The following EPB41L4A variants were observed in gnomAD, a reference collection of about 807,000 sequenced individuals.
The protein encoded by EPB41L4A is band 4.1-like protein 4A.
In EPB41L4A, 100 loss-of-function variants were observed where a neutral mutation model predicts 108.6. The observed-to-expected ratio is 0.92, with a 90% confidence interval of 0.78 to 1.09. The LOEUF is 1.09. Among genes scored for constraint, EPB41L4A ranks in the 50% least tolerant of loss-of-function variants. EPB41L4A has a pLI of 0.00. For synonymous variants in EPB41L4A, 319 were observed against 289.0 expected (o/e 1.10, Z -1.05); for missense variants, 1,030 against 842.7 (o/e 1.22, Z -2.75).
chr5:112,171,761 T>C (rs1760592900), intron 18 of EPB41L4A, among the ~76,000 whole-genome samples: 1 of 152,244 alleles, frequency 6.6e-6, no homozygotes, highest in Non-Finnish European at 1.5e-5. Flanking sequence ...ATCACTGCAA[T>C]TGTTGACACA....
At chr5:112,185,290 A>G (rs1476466616) in intron 17 of EPB41L4A, among the ~76,000 whole-genome samples, 1 of 152,204 alleles carries the variant, frequency 6.6e-6, no homozygotes, top group Non-Finnish European at 1.5e-5. Context: ...AAGAACAGGC[A>G]GGCTTGGAGG....
chr5:112,152,685 T>C (rs1759512435), intron 12 of EPB41L4A, among the ~76,000 whole-genome samples: 1 of 152,010 alleles, frequency 6.6e-6, no homozygotes. Flanking sequence ...ATAGCAGGAA[T>C]GGACTAAGAT....
At chr5:112,264,568 T>C in intron 6 of EPB41L4A, 1 of 166,328 alleles carries the variant, frequency 6.0e-6, no homozygotes, top group East Asian at 1.6e-4. Context: ...ATTTACAGAA[T>C]GATTCCACTA....
In EPB41L4A at chr5:112,201,879, G is replaced by C. The variant is rs183450664; in HGVS notation, c.1376+2496C>G. 4.9e-3 allele frequency among the ~76,000 whole-genome samples: 742 copies of C among 152,288 alleles called. 3 individuals carry two copies. Among genetic ancestry groups the C allele is most frequent in the Non-Finnish European group, 8.7e-3 (593 of 68,020 alleles). ...GGATTCCAATCCCATGTGTGCCACA[G>C]AGGACAAGCTACCATCATCTCCCTG... On this transcript the variant is annotated intron_variant, in intron 15 of 22. Transcript: ENST00000261486.
chr5:112,415,798 A>G (rs556778485), intron 1 of EPB41L4A, among the ~76,000 whole-genome samples: 4 of 152,266 alleles, frequency 2.6e-5, no homozygotes, highest in African/African-American at 9.6e-5. Flanking sequence ...CACACAACCA[A>G]TAGCTCTCAG....
At chr5:112,345,308 AAAT>A (rs1399763876) in intron 1 of EPB41L4A, among the ~76,000 whole-genome samples, 1 of 152,078 alleles carries the variant, frequency 6.6e-6, no homozygotes, top group Non-Finnish European at 1.5e-5. Flanking sequence ...CCTAAATATG[AAAT>A]AATAGGGAAC....
chr5:112,308,890 G>C (rs1754860389), intron 1 of EPB41L4A, among the ~76,000 whole-genome samples: 1 of 151,832 alleles, frequency 6.6e-6, no homozygotes, highest in South Asian at 2.1e-4. Context: ...ATCTGATTGA[G>C]CAAAAAAAGA....
intron 2 of EPB41L4A, among the ~76,000 whole-genome samples, chr5:112,301,465 C>G (rs1754357312): frequency 6.6e-6 from 1 of 152,136 alleles, no homozygotes; most frequent in South Asian, 2.1e-4. Context: ...CAGGCTGGTA[C>G]TAGGGGTTGT....
chr5:112,264,783 T>C, intron 6 of EPB41L4A, 113 bp downstream of exon 6: 1 of 1,043,258 alleles, frequency 9.6e-7, no homozygotes, highest in African/African-American at 1.6e-5. Flanking sequence ...AGAGGAGTAT[T>C]AGAATATTAA....
At chr5:112,235,118 T>G (rs1749236993) in intron 11 of EPB41L4A, among the ~76,000 whole-genome samples, 1 of 152,218 alleles carries the variant, frequency 6.6e-6, no homozygotes, top group Admixed American at 6.5e-5. Context: ...TGATTCCACA[T>G]GAGCTCCATG....
chr5:112,377,463 T>G (rs1338195408), intron 1 of EPB41L4A, among the ~76,000 whole-genome samples: 1 of 152,188 alleles, frequency 6.6e-6, no homozygotes. Context: ...CACTGAACCC[T>G]GACTGCAGCA....
intron 1 of EPB41L4A, among the ~76,000 whole-genome samples, chr5:112,357,216 T>C (rs1390724473): frequency 1.3e-5 from 2 of 152,222 alleles, no homozygotes; most frequent in African/African-American, 2.4e-5. Context: ...ATAATTGTCA[T>C]TTTGAGAAAT....
chr5:112,231,191 T>C (rs537300019), intron 12 of EPB41L4A, among the ~76,000 whole-genome samples: 3 of 152,302 alleles, frequency 2.0e-5, no homozygotes, highest in African/African-American at 4.8e-5. Flanking sequence ...CATCTCTATA[T>C]CTATACAGCA....
chr5:112,260,528 TCTCTCTAGAAAG>T (rs1390107667), intron 7 of EPB41L4A, among the ~76,000 whole-genome samples: 1 of 152,132 alleles, frequency 6.6e-6, no homozygotes, highest in Non-Finnish European at 1.5e-5. Flanking sequence ...CCACCCCAAC[TCTCTCTAGAAAG>T]TTTAGGCAGT....
At chr5:112,323,471 T>C (rs972180864) in intron 1 of EPB41L4A, among the ~76,000 whole-genome samples, 1 of 152,238 alleles carries the variant, frequency 6.6e-6, no homozygotes, top group Non-Finnish European at 1.5e-5. Context: ...CCCAAGAAGA[T>C]GAAGTTACAA....
In EPB41L4A at chr5:112,330,793, T is replaced by A. The variant is rs1477546612; in HGVS notation, c.100-23303A>T. 2.0e-5 allele frequency among the ~76,000 whole-genome samples: 3 copies of A among 152,050 alleles called. No individual in the cohort carries two copies. In the East Asian group the frequency reaches 5.8e-4, roughly 29 times the overall value. ...AGGATTATACTTCTGGGTCTGTGTA[T>A]CAATATATGTTAATATGCATATTTT... On this transcript the variant is annotated intron_variant, in intron 1 of 22. Coordinates refer to ENST00000261486, the MANE Select transcript of EPB41L4A (RefSeq NM_022140.5).
chr5:112,392,431 G>T (rs1015585965), intron 1 of EPB41L4A, among the ~76,000 whole-genome samples: 3 of 149,658 alleles, frequency 2.0e-5, no homozygotes, highest in Admixed American at 6.7e-5. Context: ...AAAAGCAGGG[G>T]TTGCAATCCT....
chr5:112,152,916 C>A (rs1759521927), intron 12 of EPB41L4A, among the ~76,000 whole-genome samples: 1 of 152,092 alleles, frequency 6.6e-6, no homozygotes, highest in Admixed American at 6.5e-5. Context: ...AATATAATAA[C>A]ATAATTTCAA....
intron 13 of EPB41L4A, among the ~76,000 whole-genome samples, chr5:112,208,244 C>CAAAAAAAAAA (rs68152475): frequency 4.7e-5 from 4 of 85,104 alleles, no homozygotes; most frequent in Admixed American, 1.6e-4. Flanking sequence ...GACTCCATCT[C>CAAAAAAAAAA]AAAAAAAAAA....
Sources: allele counts gnomAD v4.1 joint callset (sites outside exome capture counted in the v4.1 genomes callset), GRCh38; gene constraint gnomAD v4.1.1; transcripts MANE v1.5; gene names NCBI Gene and HGNC (gene_info 2026-07-23, HGNC 2026-07-21).